Variants in NMT2 observed in about 807,000 individuals in gnomAD.
NMT2 encodes the protein glycylpeptide N-tetradecanoyltransferase 2.
Under a neutral mutation model 65.4 loss-of-function variants are expected in NMT2, and 35 were observed. The ratio of observed to expected loss-of-function variants is 0.54; its 90% CI spans 0.41 to 0.71. The LOEUF is 0.71. NMT2 is among the 30% of genes least tolerant of loss of function. The pLI, the probability that NMT2 is intolerant of heterozygous loss-of-function variation, is 0.00. For synonymous variants in NMT2, 226 were observed against 231.8 expected (o/e 0.98, Z 0.23); for missense variants, 489 against 611.3 (o/e 0.80, Z 2.11).
At chr10:15,147,053 A>G (rs1220569991) in intron 1 of NMT2, among the ~76,000 whole-genome samples, 14 of 131,708 alleles carry the variant, frequency 1.1e-4, no homozygotes, top group African/African-American at 3.4e-4. Context: ...TGTTTGCACC[A>G]CTCCATTCCA....
chr10:15,146,671 C>T (rs1846975739), intron 1 of NMT2, among the ~76,000 whole-genome samples: 1 of 152,202 alleles, frequency 6.6e-6, no homozygotes, highest in Non-Finnish European at 1.5e-5. Context: ...ACTCCCTCAC[C>T]ATCGTCAGAA....
chr10:15,168,196 C>A (rs376617941), intron 1 of NMT2, among the ~76,000 whole-genome samples: 1 of 152,126 alleles, frequency 6.6e-6, no homozygotes, highest in Admixed American at 6.5e-5. Context: ...GGGCAACAGG[C>A]GCCTCCTGGG....
At chr10:15,138,731 T>G (rs147380539) in intron 2 of NMT2, among the ~76,000 whole-genome samples, 5 of 152,238 alleles carry the variant, frequency 3.3e-5, no homozygotes, top group African/African-American at 9.6e-5. Context: ...TGCAGTCCAC[T>G]GTAATTTACA....
In NMT2 at chr10:15,148,204, G is replaced by A. The variant is rs116903775; in HGVS notation, c.111-6647C>T. ...CCAGTTTCTGTAGCTGTAAAAGGAT[G>A]TTTTCAAAAAACAGTATTAGGCCAG... On this transcript the variant is annotated intron_variant, in intron 1 of 11. Coordinates refer to ENST00000378165, the MANE Select transcript of NMT2 (RefSeq NM_004808.3). Among the ~76,000 whole-genome samples the A allele has an allele frequency of 6.6e-5, 10 of 152,234 alleles. No individual in the cohort carries two copies. In the East Asian group the frequency reaches 1.7e-3, roughly 26 times the overall value.
chr10:15,128,454 A>C lies in NMT2; in HGVS notation c.895T>G (p.Trp299Gly). 1 of 1,566,428 alleles carries C rather than the reference A, an allele frequency of 6.4e-7. No homozygotes were observed. Among genetic ancestry groups the C allele is most frequent in the South Asian group, 1.1e-5 (1 of 89,532 alleles). Reference sequence around the variant, plus strand: ...TTTCTGGGGTTTAGTGATCGATGCCAGTATCTGGAATACAATAAAGGTTTT... The same window carrying C: ...TTTCTGGGGTTTAGTGATCGATGCCCGTATCTGGAATACAATAAAGGTTTT... ...LPKPIATCRY[W>G]HRSLNPRKLV... Residue 299 changes from tryptophan (W) to glycine (G), a missense_variant, in exon 8 of 12, where the codon TGG (tryptophan) becomes GGG (glycine). Physicochemically the swap from Trp to Gly is radical, Grantham distance 184. Coordinates refer to ENST00000378165, the MANE Select transcript of NMT2 (RefSeq NM_004808.3).
chr10:15,143,542 T>C (rs10906837), intron 1 of NMT2, among the ~76,000 whole-genome samples: 12,952 of 152,284 alleles, frequency 0.085, 708 homozygotes, highest in African/African-American at 0.15. Context: ...GATGAAAATA[T>C]ATTTGTCCTG....
rs1845297243 is a variant in NMT2, at chr10:15,106,191, ACCATGTT to A, written c.*2997_*3003del. 2 of 224,866 alleles carry A rather than the reference ACCATGTT, an allele frequency of 8.9e-6. No homozygotes were observed. The highest frequency in any genetic ancestry group is 4.8e-5 in the African/African-American group (2 of 41,890). 13.9% of individuals were successfully genotyped at this position (224,866 alleles called of 1,614,324 possible). A position where few individuals can be genotyped will look rare whatever the true frequency, so the allele number is the denominator to read the frequency against. ...GTAATTTTAGTAGAGATAGGGCTTC[ACCATGTT>A]GGCCAGGCTGGTCTCAAGACTCCTG... is the stretch of plus-strand genomic sequence containing the variant. On this transcript the variant is annotated 3_prime_UTR_variant, in exon 12 of 12. Coordinates refer to ENST00000378165, the MANE Select transcript of NMT2 (RefSeq NM_004808.3).
At chr10:15,114,560 C>T (rs1845683352) in intron 9 of NMT2, among the ~76,000 whole-genome samples, 1 of 152,184 alleles carries the variant, frequency 6.6e-6, no homozygotes, top group African/African-American at 2.4e-5. Flanking sequence ...CAAGTAATCC[C>T]TATTATTACA....
chr10:15,164,740 G>A (rs973586951), intron 1 of NMT2, among the ~76,000 whole-genome samples: 2 of 152,192 alleles, frequency 1.3e-5, no homozygotes, highest in African/African-American at 4.8e-5. Context: ...AAAGCTCCTA[G>A]GAAATTCATC....
chr10:15,155,522 C>G (rs577473758), intron 1 of NMT2, among the ~76,000 whole-genome samples: 44 of 145,210 alleles, frequency 3.0e-4, no homozygotes, highest in African/African-American at 1.1e-3. Flanking sequence ...GTGTATGCCA[C>G]TATGCCGGGC....
chr10:15,136,801 C>T (rs932746050), intron 2 of NMT2, among the ~76,000 whole-genome samples: 21 of 151,566 alleles, frequency 1.4e-4, no homozygotes, highest in South Asian at 4.2e-4. Flanking sequence ...CCAATATTCC[C>T]GCCAGCTCTT....
intron 10 of NMT2, chr10:15,111,891 G>T (rs1845532067): frequency 6.6e-6 from 1 of 151,260 alleles, no homozygotes; most frequent in African/African-American, 2.4e-5. Flanking sequence ...TCGGCTCACT[G>T]CAACCGCCAA....
chr10:15,113,425 G>GTGT (rs1385356282), intron 9 of NMT2, among the ~76,000 whole-genome samples: 2 of 130,216 alleles, frequency 1.5e-5, no homozygotes, highest in Admixed American at 8.7e-5. Flanking sequence ...AGCCAAGATT[G>GTGT]TGTCACTGCA....
chr10:15,112,478 C>T (rs1370310469), intron 10 of NMT2, among the ~76,000 whole-genome samples: 1 of 151,418 alleles, frequency 6.6e-6, no homozygotes, highest in Non-Finnish European at 1.5e-5. Context: ...ATCCACCCAT[C>T]TCGGCCTCCC....
At chr10:15,141,058 A>T in intron 2 of NMT2, 1 of 1,541,728 alleles carries the variant, frequency 6.5e-7, no homozygotes, top group Admixed American at 2.0e-5. Context: ...AGACACCCAG[A>T]AAAATTACAA....
chr10:15,161,160 G>A (rs1050387577), intron 1 of NMT2, among the ~76,000 whole-genome samples: 5 of 143,714 alleles, frequency 3.5e-5, no homozygotes, highest in Non-Finnish European at 7.5e-5. Context: ...ATATTAAAAC[G>A]TTTATGGAGT....
chr10:15,162,579 A>G (rs1489315695), intron 1 of NMT2, among the ~76,000 whole-genome samples: 1 of 151,942 alleles, frequency 6.6e-6, no homozygotes, highest in African/African-American at 2.4e-5. Flanking sequence ...CAACAATAAG[A>G]GTCAGCGAAA....
chr10:15,163,153 T>A (rs1360329765), intron 1 of NMT2, among the ~76,000 whole-genome samples: 1 of 152,118 alleles, frequency 6.6e-6, no homozygotes, highest in Non-Finnish European at 1.5e-5. Context: ...CCTCAAGCGA[T>A]CCTCCACCTT....
At chr10:15,142,625 T>C (rs546848607) in intron 1 of NMT2, among the ~76,000 whole-genome samples, 134 of 152,292 alleles carry the variant, frequency 8.8e-4, no homozygotes, top group African/African-American at 3.1e-3. Context: ...TAGAAAACAG[T>C]GCTTATTTTG....
Sources: allele counts gnomAD v4.1 joint callset (sites outside exome capture counted in the v4.1 genomes callset), GRCh38; gene constraint gnomAD v4.1.1; transcripts MANE v1.5; gene names NCBI Gene and HGNC (gene_info 2026-07-23, HGNC 2026-07-21).